Variants in SLCO1B1 observed in about 807,000 individuals in gnomAD.
The protein encoded by SLCO1B1 is solute carrier organic anion transporter family member 1B1.
A neutral mutation model predicts 70.1 loss-of-function variants in SLCO1B1; 81 were observed. That is an observed-to-expected ratio of 1.16 (90% CI 0.97 to 1.39). The LOEUF is 1.39. Among genes scored for constraint, SLCO1B1 ranks in the 40% most tolerant of loss-of-function variants. The pLI is 0.00. For synonymous variants in SLCO1B1, 283 were observed against 271.5 expected (o/e 1.04, Z -0.42); for missense variants, 895 against 799.6 (o/e 1.12, Z -1.44).
chr12:21,152,543 T>TTTTTTTTTTTTTTTTC, intron 2 of SLCO1B1, among the ~76,000 whole-genome samples: 1 of 139,900 alleles, frequency 7.1e-6, no homozygotes, highest in Admixed American at 7.4e-5. Context: ...CTTTTTTTTT[T>TTTTTTTTTTTTTTTTC]TTTTTTTTGC....
rs1334054557 is a variant in SLCO1B1 at position 21,164,813 on chromosome 12, G to A, written c.85-7837G>A. 4 of 488,726 alleles carry A rather than the reference G, an allele frequency of 8.2e-6. No homozygotes were observed. The East Asian group carries it at 2.3e-4, about 28-fold the overall frequency. The allele number at this position is 488,726 out of a possible 1,614,324, so 30.3% of individuals were successfully genotyped here. A position where few individuals can be genotyped will look rare whatever the true frequency, so the allele number is the denominator to read the frequency against. On this transcript the variant is annotated intron_variant, in intron 2 of 14. Transcript: ENST00000256958. ...AACACATCTTTAAGAACTTTAACCT[G>A]TAAGGTCAGAATAGTCCCTTTTTCC...
rs142848728 is a variant in SLCO1B1 at position 21,227,697 on chromosome 12, C to T, written c.1865+2858C>T. 4.4e-4 allele frequency among the ~76,000 whole-genome samples: 67 copies of T among 152,104 alleles called. 1 individual carries two copies. In the East Asian group the frequency reaches 0.012, roughly 27 times the overall value. ...GAAATCATCATGTATTTCCAGGACACCTGGCAAGATGCTCCTCAGAATTTC... is the reference window on the plus strand; with the variant it reads ...GAAATCATCATGTATTTCCAGGACATCTGGCAAGATGCTCCTCAGAATTTC... On this transcript the variant is annotated intron_variant, in intron 14 of 14. Transcript: ENST00000256958.
At position 21,200,663 on chromosome 12, in the gene SLCO1B1, A is replaced by G; in HGVS notation, c.1126A>G (p.Ile376Val). ...TGGTCAGCCTTCATCTAAGGCTAAC[A>G]TCTTATTGGGTAAGACATATTTTTT... ...QYGQPSSKANILLGVITIPIF... is the reference protein window; with the variant it reads ...QYGQPSSKANVLLGVITIPIF... The change falls in exon 9 of 15, where the codon ATC (isoleucine) becomes GTC (valine). Residue 376 changes from isoleucine to valine, a missense_variant. Ile to Val is a conservative substitution (Grantham distance 29, BLOSUM62 3). Coordinates refer to ENST00000256958, the MANE Select transcript of SLCO1B1 (RefSeq NM_006446.5). 1 of 1,611,878 alleles carries G rather than the reference A, an allele frequency of 6.2e-7. No individual in the cohort carries two copies. The highest frequency in any genetic ancestry group is 8.5e-7 in the Non-Finnish European group (1 of 1,178,746).
rs1941172663 is a variant in SLCO1B1 at position 21,202,678 on chromosome 12, C to T, written c.1323C>T (p.Thr441=). The change falls in exon 10 of 15, where the codon ACC becomes ACT. Residue 441 remains threonine, a synonymous_variant. Transcript: ENST00000256958. ...AATCAGTTGCCGGACTAACCATGACCTATGATGGGTTTGTATATATCACTA... is the reference window on the plus strand; with the variant it reads ...AATCAGTTGCCGGACTAACCATGACTTATGATGGGTTTGTATATATCACTA... The part of the protein sequence containing the change: ...ENKSVAGLTM[T]YDGNNPVTSH... 3 of 1,610,268 alleles carry T rather than the reference C, an allele frequency of 1.9e-6. No individual in the cohort carries two copies. The highest frequency in any genetic ancestry group is 2.5e-6 in the Non-Finnish European group (3 of 1,177,666).
chr12:21,201,519 T>A (rs1157948918), intron 9 of SLCO1B1, among the ~76,000 whole-genome samples: 1 of 152,126 alleles, frequency 6.6e-6, no homozygotes, highest in Non-Finnish European at 1.5e-5. Context: ...TAATCCTGTA[T>A]GTAGAGCGAT....
At position 21,202,652 on chromosome 12, in the gene SLCO1B1, A is replaced by T; in HGVS notation, c.1297A>T (p.Lys433Ter). 6.2e-7 allele frequency: 1 copy of T among 1,612,774 alleles called. No individual in the cohort carries two copies. Residue 433 changes from lysine to a stop codon, truncating the protein, a stop_gained, in exon 10 of 15, where the codon AAA (lysine) becomes TAA (stop). Transcript: ENST00000256958. LOFTEE classifies it high-confidence loss of function. ...LLYFFILCEN[K>*]SVAGLTMTYD... ...ATATTTTTTCATACTCTGTGAAAAC[A>T]AATCAGTTGCCGGACTAACCATGAC...
chr12:21,217,894 C>G lies in SLCO1B1; in HGVS notation c.1682+591C>G, dbSNP rs552276326. ...AACCAATAAGATACTTGTTGTCATA[C>G]AGCTTTCAAAATTACAGGAAAGACT... On this transcript the variant is annotated intron_variant, in intron 12 of 14. Transcript: ENST00000256958. Among the ~76,000 whole-genome samples the G allele has an allele frequency of 3.9e-5, 6 of 152,190 alleles. No individual in the cohort carries two copies. In the South Asian group the frequency reaches 1.2e-3, roughly 32 times the overall value.
chr12:21,215,901 G>C (rs1591824358), intron 11 of SLCO1B1, among the ~76,000 whole-genome samples: 1 of 152,068 alleles, frequency 6.6e-6, no homozygotes, highest in South Asian at 2.1e-4. Flanking sequence ...CTATATTAGT[G>C]TTCAGGGTTT....
At chr12:21,231,701 A>G (rs576206019) in intron 14 of SLCO1B1, among the ~76,000 whole-genome samples, 1 of 152,116 alleles carries the variant, frequency 6.6e-6, no homozygotes, top group African/African-American at 2.4e-5. Context: ...GTATATATGT[A>G]TATGCTATAT....
At chr12:21,185,342 A>T (rs1940951805) in intron 7 of SLCO1B1, among the ~76,000 whole-genome samples, 1 of 152,172 alleles carries the variant, frequency 6.6e-6, no homozygotes, top group Non-Finnish European at 1.5e-5. Flanking sequence ...GTATTCTAAA[A>T]TCAATCATAT....
At chr12:21,173,101 C>T (rs1421165012) in intron 3 of SLCO1B1, among the ~76,000 whole-genome samples, 2 of 152,152 alleles carry the variant, frequency 1.3e-5, no homozygotes, top group African/African-American at 4.8e-5. Context: ...CAAACTAACG[C>T]CATGTCATAC....
In SLCO1B1 at chr12:21,217,162, A is replaced by T. The variant is rs1202357687; in HGVS notation, c.1541A>T (p.Asn514Ile). The change falls in exon 12 of 15, where the codon AAC (asparagine) becomes ATC (isoleucine). Residue 514 changes from asparagine (N) to isoleucine (I), a missense_variant. By Grantham distance (149) the Asn-to-Ile change is moderately radical. Coordinates refer to ENST00000256958, the MANE Select transcript of SLCO1B1 (RefSeq NM_006446.5). ...CSCLEVTGLQ[N>I]RNYSAHLGEC... ...TGTTTGGAAGTAACTGGTCTCCAGAACAGAAATTACTCAGCCCATTTGGGT... is the reference window on the plus strand; with the variant it reads ...TGTTTGGAAGTAACTGGTCTCCAGATCAGAAATTACTCAGCCCATTTGGGT... 6.2e-7 allele frequency: 1 copy of T among 1,613,754 alleles called. No individual in the cohort carries two copies. The highest frequency in any genetic ancestry group is 1.7e-5 in the Admixed American group (1 of 60,028).
At chr12:21,136,013 C>G (rs1391549196) in intron 1 of SLCO1B1, among the ~76,000 whole-genome samples, 3 of 152,106 alleles carry the variant, frequency 2.0e-5, no homozygotes, top group Non-Finnish European at 4.4e-5. Context: ...TTCAGGAGCT[C>G]TTTTAGGGCA....
chr12:21,209,045 T>A (rs1042325997), intron 11 of SLCO1B1, among the ~76,000 whole-genome samples: 2 of 151,768 alleles, frequency 1.3e-5, no homozygotes, highest in African/African-American at 4.8e-5. Flanking sequence ...GGGTTTTTTT[T>A]TAATTAATTA....
chr12:21,201,950 G>A (rs772355752), intron 9 of SLCO1B1, among the ~76,000 whole-genome samples: 2 of 152,036 alleles, frequency 1.3e-5, no homozygotes, highest in Admixed American at 6.6e-5. Flanking sequence ...CAAAGACTTG[G>A]AACCAACCCA....
At chr12:21,170,734 T>C (rs984046176) in intron 2 of SLCO1B1, among the ~76,000 whole-genome samples, 1 of 152,234 alleles carries the variant, frequency 6.6e-6, no homozygotes, top group Non-Finnish European at 1.5e-5. Context: ...TTTAAAACTT[T>C]TAGTTATCTC....
intron 2 of SLCO1B1, among the ~76,000 whole-genome samples, chr12:21,149,783 C>A (rs1032480424): frequency 6.6e-6 from 1 of 152,160 alleles, no homozygotes; most frequent in Non-Finnish European, 1.5e-5. Flanking sequence ...GCTGTTTGGG[C>A]AGACACTGAG....
In SLCO1B1 at chr12:21,185,712, A is replaced by G. The variant is rs530447765; in HGVS notation, c.727+6692A>G. On this transcript the variant is annotated intron_variant, in intron 7 of 14. Coordinates refer to ENST00000256958, the MANE Select transcript of SLCO1B1 (RefSeq NM_006446.5). ...AAAAAAAAGGACAACCCCAAAGCAA[A>G]CTGAAAATAAATAACGAAAATCAGA... is the stretch of plus-strand genomic sequence containing the variant. Among the ~76,000 whole-genome samples, 42 of 152,156 alleles carry G rather than the reference A, an allele frequency of 2.8e-4. 1 individual carries two copies. The highest frequency in any genetic ancestry group is 3.4e-3 in the Middle Eastern group (1 of 294).
intron 2 of SLCO1B1, chr12:21,164,908 T>C (rs537467334): frequency 1.1e-5 from 5 of 443,934 alleles, no homozygotes; most frequent in Admixed American, 8.0e-5. Flanking sequence ...TCATTATTGG[T>C]TTATTGCTGC....
Sources: allele counts gnomAD v4.1 joint callset (sites outside exome capture counted in the v4.1 genomes callset), GRCh38; gene constraint gnomAD v4.1.1; transcripts MANE v1.5; gene names NCBI Gene and HGNC (gene_info 2026-07-23, HGNC 2026-07-21).